Variants in BAIAP2 observed in about 807,000 individuals in gnomAD.
BAIAP2 encodes BAR/IMD domain containing adaptor protein 2.
Under a neutral mutation model 63.0 loss-of-function variants are expected in BAIAP2, and 18 were observed. The observed-to-expected ratio is 0.29, with a 90% confidence interval of 0.20 to 0.42. BAIAP2 has a LOEUF of 0.42. BAIAP2 is among the 10% of genes least tolerant of loss of function. The probability of loss-of-function intolerance (pLI) is 1.00; values close to 1 mark genes in which losing one functional copy is unlikely to be tolerated. For missense variants in BAIAP2, 610 were observed against 734.3 expected (o/e 0.83, Z 1.96); for synonymous variants, 386 against 307.6 (o/e 1.25, Z -2.67).
intron 3 of BAIAP2, among the ~76,000 whole-genome samples, chr17:81,061,778 C>G (rs756738050): frequency 2.6e-5 from 4 of 152,124 alleles, no homozygotes; most frequent in African/African-American, 4.8e-5. Flanking sequence ...CACCACTGAT[C>G]TCTCTTGGTG....
intron 13 of BAIAP2, chr17:81,109,903 G>A (rs1301079387): frequency 3.5e-5 from 34 of 985,232 alleles, no homozygotes; most frequent in Non-Finnish European, 3.3e-5. Context: ...GGCCGGGCCC[G>A]GCTGGGGGAG....
intron 3 of BAIAP2, among the ~76,000 whole-genome samples, chr17:81,079,901 G>A (rs2054302746): frequency 6.6e-6 from 1 of 152,156 alleles, no homozygotes; most frequent in Admixed American, 6.5e-5. Context: ...CAGCAGGGTG[G>A]GCCTGGGTAA....
Position 81,091,377 on chromosome 17 carries a change from G to A in BAIAP2, c.489+4797G>A, listed in dbSNP as rs546317849. Among the ~76,000 whole-genome samples, 7 of 152,236 alleles carry A rather than the reference G, an allele frequency of 4.6e-5. No homozygotes were observed. The East Asian group carries it at 1.3e-3, about 29-fold the overall frequency. ...CGGCCTCTCCATTCCTAAAGCGGTT[G>A]GTTGCTTCCCAGCTGTTCTACAGAC... On this transcript the variant is annotated intron_variant, in intron 6 of 13. Transcript: ENST00000428708.
intron 1 of BAIAP2, among the ~76,000 whole-genome samples, chr17:81,045,758 C>T (rs2047712366): frequency 6.6e-6 from 1 of 152,124 alleles, no homozygotes; most frequent in Non-Finnish European, 1.5e-5. Flanking sequence ...TTCGGTCTTC[C>T]AGGAGGGGCT....
chr17:81,059,962 A>G (rs2144405961), intron 3 of BAIAP2, among the ~76,000 whole-genome samples: 1 of 152,310 alleles, frequency 6.6e-6, no homozygotes, highest in African/African-American at 2.4e-5. Flanking sequence ...GAAGGCGCTG[A>G]GCCCACATGG....
chr17:81,106,845 G>A lies in BAIAP2; in HGVS notation c.1438G>A (p.Ala480Thr), dbSNP rs779054777. The part of the protein sequence containing the change: ...DYGAASRAFP[A>T]QTASGFKQRP... Reference sequence around the variant, plus strand: ...CGGCGCCGCCTCCCGGGCCTTCCCCGCCCAGACGGCCAGCGGCTTCAAGCA... The same window carrying A: ...CGGCGCCGCCTCCCGGGCCTTCCCCACCCAGACGGCCAGCGGCTTCAAGCA... The change falls in exon 12 of 14, where the codon GCC becomes ACC. Residue 480 changes from alanine to threonine, a missense_variant. By Grantham distance (58) the Ala-to-Thr change is moderately conservative. This residue lies in a region of BAIAP2 where 114 missense variants were observed against 98.2 expected (regional missense o/e 1.16). Transcript: ENST00000428708. 3.1e-5 allele frequency: 50 copies of A among 1,609,064 alleles called. No homozygotes were observed. Among genetic ancestry groups the A allele is most frequent in the African/African-American group, 8.0e-5 (6 of 74,870 alleles).
intron 3 of BAIAP2, among the ~76,000 whole-genome samples, chr17:81,068,277 T>C (rs2051880274): frequency 1.3e-5 from 2 of 152,174 alleles, no homozygotes; most frequent in South Asian, 2.1e-4. Context: ...TCCCTCCTGG[T>C]CAATAATCAG....
At chr17:81,075,373 G>A (rs1028418409) in intron 3 of BAIAP2, among the ~76,000 whole-genome samples, 2 of 152,184 alleles carry the variant, frequency 1.3e-5, no homozygotes, top group Non-Finnish European at 2.9e-5. Context: ...TGACCACCCA[G>A]GGCATCCCCG....
rs1440624781 is a variant in BAIAP2, at chr17:81,106,771, C to T, written c.1364C>T (p.Thr455Met). 3.7e-6 allele frequency: 6 copies of T among 1,612,532 alleles called. No individual in the cohort carries two copies. The highest frequency in any genetic ancestry group is 1.6e-4 in the Middle Eastern group (1 of 6,080). Residue 455 changes from threonine to methionine, a missense_variant, in exon 12 of 14, where the codon ACG becomes ATG. By Grantham distance (81) the Thr-to-Met change is moderately conservative (BLOSUM62 -1). This residue lies in a region of BAIAP2 where 11 missense variants were observed against 25.2 expected (regional missense o/e 0.44). Coordinates refer to ENST00000428708, the MANE Select transcript of BAIAP2 (RefSeq NM_001144888.2). Reference protein sequence around the residue: ...MSLQQGKSSSTGNLLDKDDLA... With the variant: ...MSLQQGKSSSMGNLLDKDDLA... ...CTGCAGCAAGGGAAGAGCAGCAGCA[C>T]GGGCAACCTCCTGGACAAGGACGAC...
intron 3 of BAIAP2, among the ~76,000 whole-genome samples, chr17:81,073,387 C>T (rs2053051853): frequency 6.6e-6 from 1 of 152,132 alleles, no homozygotes; most frequent in African/African-American, 2.4e-5. Flanking sequence ...ACCCTGGGCT[C>T]AGCCAGGGCC....
At chr17:81,061,332 G>C (rs2050517531) in intron 3 of BAIAP2, among the ~76,000 whole-genome samples, 1 of 152,200 alleles carries the variant, frequency 6.6e-6, no homozygotes, top group Admixed American at 6.5e-5. Flanking sequence ...CGAGGTGTCT[G>C]AGTGTCCAGT....
At chr17:81,098,736 C>CA (rs2058054967) in intron 6 of BAIAP2, among the ~76,000 whole-genome samples, 1 of 152,160 alleles carries the variant, frequency 6.6e-6, no homozygotes, top group Admixed American at 6.5e-5. Flanking sequence ...GTGTGTCCAC[C>CA]AAGAAGCACA....
intron 13 of BAIAP2, among the ~76,000 whole-genome samples, chr17:81,114,049 C>T (rs976033528): frequency 9.3e-5 from 14 of 150,126 alleles, no homozygotes; most frequent in Non-Finnish European, 1.6e-4. Flanking sequence ...ACTACTGCCT[C>T]GCCCTCCTGG....
intron 13 of BAIAP2, among the ~76,000 whole-genome samples, chr17:81,115,432 G>A (rs1296294824): frequency 1.3e-5 from 2 of 152,354 alleles, no homozygotes; most frequent in Admixed American, 6.5e-5. Flanking sequence ...AGCCTCAGTG[G>A]TGATGTCCGC....
intron 1 of BAIAP2, among the ~76,000 whole-genome samples, chr17:81,044,527 C>T (rs1253374812): frequency 2.6e-5 from 4 of 152,240 alleles, no homozygotes; most frequent in Non-Finnish European, 4.4e-5. Context: ...CCTAAAGACC[C>T]TGTTTCCAAA....
intron 1 of BAIAP2, among the ~76,000 whole-genome samples, chr17:81,041,734 C>T (rs1239341144): frequency 2.0e-5 from 3 of 152,088 alleles, no homozygotes; most frequent in African/African-American, 7.2e-5. Context: ...GCCACCACGC[C>T]TGGCTAATTT....
In BAIAP2 at chr17:81,115,735, G is replaced by A. The variant is rs202111776; in HGVS notation, c.1536-35G>A. 114 of 1,612,916 alleles carry A rather than the reference G, an allele frequency of 7.1e-5. No individual in the cohort carries two copies. The East Asian group carries it at 1.9e-3, about 27-fold the overall frequency. ...GTGGCACAATTCACCCATGGCTTCC[G>A]CCCTAAAAATTAAAACCACGTTTTT... On this transcript the variant is annotated intron_variant, in intron 13 of 13. Transcript: ENST00000428708.
chr17:81,091,044 C>CCCCGCCCCCACTTGTGTGGA (rs538392577), intron 6 of BAIAP2, among the ~76,000 whole-genome samples: 14 of 146,874 alleles, frequency 9.5e-5, no homozygotes, highest in African/African-American at 3.0e-4. Flanking sequence ...GTGCATTCCA[C>CCCCGCCCCCACTTGTGTGGA]CCCGCCCCCA....
At chr17:81,110,456 A>C in intron 13 of BAIAP2, 3 of 998,260 alleles carry the variant, frequency 3.0e-6, no homozygotes, top group Non-Finnish European at 3.6e-6. Flanking sequence ...TTTTTAAAAA[A>C]TCTGAATTGT....
Sources: gnomAD v4.1 joint callset for allele counts (sites outside exome capture counted in the v4.1 genomes callset) on GRCh38, gnomAD v4.1.1 for gene constraint, gnomAD v4.1.1 regional missense constraint, MANE v1.5 for transcripts, NCBI Gene and HGNC (gene_info 2026-07-23, HGNC 2026-07-21) for gene names.